The following HTR1E variants were observed in gnomAD, a reference collection of about 807,000 sequenced individuals.
HTR1E encodes 5-hydroxytryptamine receptor 1E, also known as 5-HT-1E.
In HTR1E, 3 loss-of-function variants were observed where a neutral mutation model predicts 3.4. The ratio of observed to expected loss-of-function variants is 0.89; its 90% CI spans 0.41 to 2.31. The LOEUF (loss-of-function observed/expected upper bound fraction) is 2.31, where lower values mean the gene tolerates loss of function less well. Among genes scored for constraint, HTR1E ranks in the 30% most tolerant of loss-of-function variants. HTR1E has a pLI of 0.05. For missense variants in HTR1E, 392 were observed against 467.0 expected (o/e 0.84, Z 1.48); for synonymous variants, 170 against 182.8 (o/e 0.93, Z 0.56).
chr6:86,988,545 G>A (rs1312914575), intron 1 of HTR1E, among the ~76,000 whole-genome samples: 1 of 152,162 alleles, frequency 6.6e-6, no homozygotes, highest in Non-Finnish European at 1.5e-5. Context: ...TTGCATTACA[G>A]TTTGCAAACT....
At chr6:87,013,117 T>A (rs763177150) in intron 1 of HTR1E, among the ~76,000 whole-genome samples, 2 of 152,244 alleles carry the variant, frequency 1.3e-5, no homozygotes, top group South Asian at 2.1e-4. Context: ...CTTTGGAAAC[T>A]CTTCCTGGAT....
rs1056337591 is a variant in HTR1E, at chr6:86,956,657, C to T, written c.-186+18834C>T. ...CCCAACCATCTGCGTACATGTTCTC[C>T]GACCCTCCTGAAGCTGTGTCATTGG... On this transcript the variant is annotated intron_variant, in intron 1 of 1. Coordinates refer to ENST00000305344, the MANE Select transcript of HTR1E (RefSeq NM_000865.3). Among the ~76,000 whole-genome samples the T allele has an allele frequency of 2.6e-5, 4 of 152,008 alleles. No individual in the cohort carries two copies. In the South Asian group the frequency reaches 8.3e-4, roughly 32 times the overall value.
Position 87,016,031 on chromosome 6 carries a change from T to C in HTR1E, c.697T>C (p.Phe233Leu), listed in dbSNP as rs759622086. ...SNRSTDSQNS[F>L]ASCKLTQTFC... is the part of the protein sequence containing the mutation. ...CAGAAGCACAGATAGCCAGAATTCT[T>C]TTGCAAGTTGTAAACTTACACAGAC... The change falls in exon 2 of 2, where the codon TTT becomes CTT. Residue 233 changes from phenylalanine to leucine, a missense_variant. This residue lies in a region of HTR1E where 178 missense variants were observed against 164.9 expected (regional missense o/e 1.08). Coordinates refer to ENST00000305344, the MANE Select transcript of HTR1E (RefSeq NM_000865.3). 6 of 1,614,054 alleles carry C rather than the reference T, an allele frequency of 3.7e-6. No individual in the cohort carries two copies. Among genetic ancestry groups the C allele is most frequent in the Non-Finnish European group, 5.1e-6 (6 of 1,180,040 alleles).
intron 1 of HTR1E, among the ~76,000 whole-genome samples, chr6:87,014,261 A>T (rs1048583500): frequency 2.8e-5 from 3 of 106,828 alleles, no homozygotes; most frequent in Non-Finnish European, 5.2e-5. Context: ...AAGTATAATA[A>T]TAATAATAAT....
intron 1 of HTR1E, among the ~76,000 whole-genome samples, chr6:86,952,569 A>C (rs1767262448): frequency 1.3e-5 from 2 of 151,966 alleles, no homozygotes; most frequent in Admixed American, 6.6e-5. Context: ...GCCATATATG[A>C]CTTAACCATC....
At chr6:86,948,389 T>C (rs1050424620) in intron 1 of HTR1E, among the ~76,000 whole-genome samples, 3 of 152,230 alleles carry the variant, frequency 2.0e-5, no homozygotes, top group Non-Finnish European at 4.4e-5. Context: ...ACTGTAAAAT[T>C]ATAGCATGAA....
chr6:86,980,608 T>C lies in HTR1E; in HGVS notation c.-185-34542T>C, dbSNP rs148025958. Among the ~76,000 whole-genome samples, 213 of 152,246 alleles carry C rather than the reference T, an allele frequency of 1.4e-3. 1 individual carries two copies. The highest frequency in any genetic ancestry group is 4.6e-3 in the African/African-American group (193 of 41,530). Reference sequence around the variant, plus strand: ...ATCCTTTCCGTTTAGTTAATGCTAGTTTTTAGTCATCATACTCTATGTTGA... The same window carrying C: ...ATCCTTTCCGTTTAGTTAATGCTAGCTTTTAGTCATCATACTCTATGTTGA... On this transcript the variant is annotated intron_variant, in intron 1 of 1. Transcript: ENST00000305344.
At chr6:86,997,637 A>T (rs905535521) in intron 1 of HTR1E, among the ~76,000 whole-genome samples, 1 of 151,872 alleles carries the variant, frequency 6.6e-6, no homozygotes, top group Non-Finnish European at 1.5e-5. Context: ...CTAACATAAC[A>T]TATGCAGGAC....
Position 86,956,492 on chromosome 6 carries a change from A to G in HTR1E, c.-186+18669A>G, listed in dbSNP as rs574593931. 2.6e-5 allele frequency among the ~76,000 whole-genome samples: 4 copies of G among 152,306 alleles called. No homozygotes were observed. The East Asian group carries it at 7.7e-4, about 29-fold the overall frequency. ...AATCAGAAAATCTTTAAATCCACCT[A>G]TAACTGGAAGCTGCCCTGCCACCAT... On this transcript the variant is annotated intron_variant, in intron 1 of 1. Coordinates refer to ENST00000305344, the MANE Select transcript of HTR1E (RefSeq NM_000865.3).
In HTR1E at chr6:87,003,624, T is replaced by C. The variant is rs145867577; in HGVS notation, c.-185-11526T>C. ...ACACAACATATCAAAACCTGTGGGA[T>C]ACAGCAAAAGGTTACAGGAATAAGT... On this transcript the variant is annotated intron_variant, in intron 1 of 1. Coordinates refer to ENST00000305344, the MANE Select transcript of HTR1E (RefSeq NM_000865.3). Among the ~76,000 whole-genome samples the C allele has an allele frequency of 2.2e-3, 337 of 151,436 alleles. 5 individuals are homozygous for C. The highest frequency in any genetic ancestry group is 7.9e-3 in the African/African-American group (325 of 41,350).
At chr6:86,980,058 G>A (rs183856507) in intron 1 of HTR1E, among the ~76,000 whole-genome samples, 37 of 152,260 alleles carry the variant, frequency 2.4e-4, no homozygotes, top group Admixed American at 1.7e-3. Flanking sequence ...GGTGGAAGCT[G>A]GATTATCTTA....
chr6:86,995,913 C>T (rs1036210649), intron 1 of HTR1E, among the ~76,000 whole-genome samples: 2 of 151,698 alleles, frequency 1.3e-5, no homozygotes, highest in Non-Finnish European at 2.9e-5. Flanking sequence ...AAAGCTCACT[C>T]CACCAAGAAG....
At chr6:86,994,774 T>C (rs572241401) in intron 1 of HTR1E, among the ~76,000 whole-genome samples, 2 of 152,280 alleles carry the variant, frequency 1.3e-5, no homozygotes, top group South Asian at 4.1e-4. Context: ...AGCAAAATTG[T>C]AACAGTCTGA....
intron 1 of HTR1E, among the ~76,000 whole-genome samples, chr6:86,942,502 A>G (rs1768559898): frequency 6.6e-6 from 1 of 152,204 alleles, no homozygotes; most frequent in African/African-American, 2.4e-5. Context: ...ACATTCAAAG[A>G]AAGAAGCATG....
chr6:86,993,387 G>A (rs1767896070), intron 1 of HTR1E, among the ~76,000 whole-genome samples: 1 of 152,110 alleles, frequency 6.6e-6, no homozygotes. Flanking sequence ...GAAACCTTGG[G>A]AAAACTAAAT....
At chr6:87,008,296 G>A (rs1308266164) in intron 1 of HTR1E, among the ~76,000 whole-genome samples, 2 of 152,046 alleles carry the variant, frequency 1.3e-5, no homozygotes, top group Non-Finnish European at 1.5e-5. Flanking sequence ...CTTTTCCCTG[G>A]AGAGGCAAAG....
At chr6:87,003,994 A>C (rs535944197) in intron 1 of HTR1E, among the ~76,000 whole-genome samples, 1 of 152,180 alleles carries the variant, frequency 6.6e-6, no homozygotes. Context: ...ATGCCAATAA[A>C]CTGGAAAACC....
At chr6:87,015,069 T>TATAA (rs1768296900) in intron 1 of HTR1E, 81 bp from the exon 2 acceptor site, 1 of 269,930 alleles carries the variant, frequency 3.7e-6, no homozygotes, top group African/African-American at 2.2e-5. Flanking sequence ...ATAAAGAATT[T>TATAA]ATAAATATCA....
chr6:87,008,426 A>C (rs1430973637), intron 1 of HTR1E, among the ~76,000 whole-genome samples: 1 of 152,256 alleles, frequency 6.6e-6, no homozygotes, highest in Non-Finnish European at 1.5e-5. Flanking sequence ...TACATGGTAC[A>C]TATTGAAGAC....
Sources: gnomAD v4.1 joint callset for allele counts (sites outside exome capture counted in the v4.1 genomes callset) on GRCh38, gnomAD v4.1.1 for gene constraint, gnomAD v4.1.1 regional missense constraint, MANE v1.5 for transcripts, NCBI Gene and HGNC (gene_info 2026-07-23, HGNC 2026-07-21) for gene names.